Variants in NPLOC4 observed in about 807,000 individuals in gnomAD.
NPLOC4 encodes the protein nuclear protein localization protein 4 homolog.
A neutral mutation model predicts 80.6 loss-of-function variants in NPLOC4; 18 were observed. The observed-to-expected ratio is 0.22, with a 90% confidence interval of 0.15 to 0.33. The LOEUF is 0.33. Among genes scored for constraint, NPLOC4 ranks in the 10% least tolerant of loss-of-function variants. NPLOC4 has a pLI of 1.00. For missense variants in NPLOC4, 540 were observed against 786.1 expected (o/e 0.69, Z 3.74); for synonymous variants, 313 against 301.5 (o/e 1.04, Z -0.39).
At chr17:81,565,385 C>A in intron 16 of NPLOC4, 120 bp downstream of exon 16, 1 of 889,002 alleles carries the variant, frequency 1.1e-6, no homozygotes, top group Non-Finnish European at 1.8e-6. Flanking sequence ...GCCGATGGCA[C>A]CTGCCAGGAT....
rs181836102 is a variant in NPLOC4 at position 81,575,193 on chromosome 17, G to A, written c.1282-3105C>T. On this transcript the variant is annotated intron_variant, in intron 12 of 16. Transcript: ENST00000331134. ...CGGCTCACTGCAAGCTCCGCCTCCCGGGTTCAAGCCATTCTCCTGCCTCAG... is the reference window on the plus strand; with the variant it reads ...CGGCTCACTGCAAGCTCCGCCTCCCAGGTTCAAGCCATTCTCCTGCCTCAG... Among the ~76,000 whole-genome samples the A allele has an allele frequency of 9.2e-5, 14 of 152,142 alleles. No individual in the cohort carries two copies. The East Asian group carries it at 1.9e-3, about 21-fold the overall frequency.
At chr17:81,566,422 A>T (rs1479530813) in intron 15 of NPLOC4, 5 of 152,228 alleles carry the variant, frequency 3.3e-5, no homozygotes, top group African/African-American at 1.2e-4. Context: ...TGACTGCAAA[A>T]ATAGTGCAGT....
At chr17:81,624,752 C>T (rs1475728426) in intron 2 of NPLOC4, among the ~76,000 whole-genome samples, 1 of 152,226 alleles carries the variant, frequency 6.6e-6, no homozygotes, top group African/African-American at 2.4e-5. Flanking sequence ...TGAAGAGCTT[C>T]AGCTGAGCAG....
intron 8 of NPLOC4, among the ~76,000 whole-genome samples, chr17:81,604,048 C>T (rs942437261): frequency 4.6e-5 from 7 of 152,088 alleles, no homozygotes; most frequent in African/African-American, 7.2e-5. Flanking sequence ...ACACACCCTG[C>T]GGGATATACC....
chr17:81,580,243 T>G lies in NPLOC4; in HGVS notation c.1282-8155A>C, dbSNP rs1251659014. Among the ~76,000 whole-genome samples the G allele has an allele frequency of 6.6e-6, 1 of 152,202 alleles. No homozygotes were observed. Among genetic ancestry groups the G allele is most frequent in the Non-Finnish European group, 1.5e-5 (1 of 68,034 alleles). On this transcript the variant is annotated intron_variant, in intron 12 of 16. Transcript: ENST00000331134. This position sits in a 1 kb window ranked among gnomAD's most constrained non-coding sequence, Gnocchi z 4.4. ...ATGCGCTCACCCCGGGTGGTGCCTC[T>G]GCACTAGCACATCGCCGACAGATCC...
intron 12 of NPLOC4, among the ~76,000 whole-genome samples, chr17:81,585,837 G>C (rs886732119): frequency 2.6e-5 from 4 of 151,290 alleles, no homozygotes; most frequent in Non-Finnish European, 5.9e-5. Flanking sequence ...AAATACAAAA[G>C]AGTTAGGTGG....
chr17:81,595,534 A>ATTTTTTTTTTTTTTT (rs113450373), intron 11 of NPLOC4, among the ~76,000 whole-genome samples: 2 of 139,656 alleles, frequency 1.4e-5, no homozygotes, highest in African/African-American at 2.7e-5. Flanking sequence ...ATATATATAT[A>ATTTTTTTTTTTTTTT]TTTTTTTTTT....
At chr17:81,595,402 C>G (rs942619209) in intron 11 of NPLOC4, among the ~76,000 whole-genome samples, 1 of 146,986 alleles carries the variant, frequency 6.8e-6, no homozygotes, top group Non-Finnish European at 1.5e-5. Context: ...CCACTGCACT[C>G]CAGCCTAAAT....
intron 16 of NPLOC4, 197 bp downstream of exon 16, chr17:81,565,308 A>G (rs995478465): frequency 2.8e-6 from 2 of 703,302 alleles, no homozygotes; most frequent in South Asian, 3.0e-5. Context: ...CCTGGACAAC[A>G]TGTCTGCTCC....
chr17:81,604,662 G>A lies in NPLOC4; in HGVS notation c.720C>T (p.Phe240=), dbSNP rs1267591631. ...NHTVADRFLD[F]WRKTGNQHFG... ...AATGCTGGTTCCCTGTCTTTCTCCA[G>A]AAGTCAAGAAAGCGGTCAGCGACGG... The change falls in exon 8 of 17, where the codon TTC becomes TTT. Residue 240 remains phenylalanine (F), a synonymous_variant. Coordinates refer to ENST00000331134, the MANE Select transcript of NPLOC4 (RefSeq NM_017921.4). 6.2e-7 allele frequency: 1 copy of A among 1,613,776 alleles called. No individual in the cohort carries two copies. Among genetic ancestry groups the A allele is most frequent in the Non-Finnish European group, 8.5e-7 (1 of 1,179,846 alleles).
intron 11 of NPLOC4, among the ~76,000 whole-genome samples, chr17:81,595,318 C>T (rs1473040605): frequency 6.6e-6 from 1 of 151,262 alleles, no homozygotes; most frequent in Non-Finnish European, 1.5e-5. Context: ...CTTACAATTC[C>T]AGCTACTCTG....
chr17:81,576,428 T>C (rs1421129082), intron 12 of NPLOC4, among the ~76,000 whole-genome samples: 1 of 151,982 alleles, frequency 6.6e-6, no homozygotes, highest in Non-Finnish European at 1.5e-5. Context: ...AGGTCTAACT[T>C]TACATATAAG....
chr17:81,583,520 GTCCTGCC>G (rs2034497310), intron 12 of NPLOC4, among the ~76,000 whole-genome samples: 1 of 152,174 alleles, frequency 6.6e-6, no homozygotes, highest in Non-Finnish European at 1.5e-5. Flanking sequence ...AAAGCCCCAC[GTCCTGCC>G]ACCTGGCTGC....
chr17:81,603,416 C>T (rs1055856383), intron 8 of NPLOC4, among the ~76,000 whole-genome samples: 3 of 151,796 alleles, frequency 2.0e-5, no homozygotes. Context: ...GGCAATATAG[C>T]GAGACCCTGA....
At chr17:81,570,728 C>T (rs1325692165) in intron 13 of NPLOC4, among the ~76,000 whole-genome samples, 1 of 152,224 alleles carries the variant, frequency 6.6e-6, no homozygotes, top group Non-Finnish European at 1.5e-5. Flanking sequence ...CATCCCATCC[C>T]AAGGTTTAAG....
chr17:81,602,367 A>G (rs1451538196), intron 8 of NPLOC4, among the ~76,000 whole-genome samples: 1 of 151,938 alleles, frequency 6.6e-6, no homozygotes, highest in African/African-American at 2.4e-5. Context: ...GGCCACACAG[A>G]GACCCTCCCT....
chr17:81,628,484 G>A (rs769208326), intron 2 of NPLOC4, among the ~76,000 whole-genome samples: 2 of 152,036 alleles, frequency 1.3e-5, no homozygotes, highest in South Asian at 2.1e-4. Context: ...CTGCACTCCA[G>A]CCTGGGCAAC....
chr17:81,616,333 A>AAGAAAAAAGAAAC (rs1555686400), intron 3 of NPLOC4, among the ~76,000 whole-genome samples: 1 of 115,636 alleles, frequency 8.6e-6, no homozygotes, highest in Non-Finnish European at 1.7e-5. Context: ...AAAAAAAAAA[A>AAGAAAAAAGAAAC]AAAAAGAAAA....
intron 9 of NPLOC4, among the ~76,000 whole-genome samples, chr17:81,600,074 T>C (rs890862369): frequency 2.0e-5 from 3 of 151,218 alleles, no homozygotes; most frequent in African/African-American, 7.3e-5. Flanking sequence ...AAGGCTGAAA[T>C]ATAACAGCCA....
Sources: gnomAD v4.1 joint callset for allele counts (sites outside exome capture counted in the v4.1 genomes callset) on GRCh38, gnomAD v4.1.1 for gene constraint, Gnocchi (gnomAD v3.1) non-coding constraint, MANE v1.5 for transcripts, NCBI Gene and HGNC (gene_info 2026-07-23, HGNC 2026-07-21) for gene names.